Variants in TMEM245 observed in about 807,000 individuals in gnomAD.
TMEM245 encodes the protein protein CG-2.
In TMEM245, 69 loss-of-function variants were observed where a neutral mutation model predicts 101.2. The ratio of observed to expected loss-of-function variants is 0.68; its 90% CI spans 0.56 to 0.83. The LOEUF is 0.83. TMEM245 is among the 40% of genes least tolerant of loss of function. The pLI is 0.00. For missense variants in TMEM245, 1,075 were observed against 1,092.8 expected (o/e 0.98, Z 0.23); for synonymous variants, 537 against 449.8 (o/e 1.19, Z -2.45).
intron 4 of TMEM245, among the ~76,000 whole-genome samples, chr9:109,092,932 T>C (rs1830046784): frequency 6.7e-6 from 1 of 149,436 alleles, no homozygotes; most frequent in African/African-American, 2.5e-5. Context: ...GCATGCAAAC[T>C]TTCAGAGAAA....
At chr9:109,076,480 T>C (rs992234266) in intron 8 of TMEM245, among the ~76,000 whole-genome samples, 2 of 152,032 alleles carry the variant, frequency 1.3e-5, no homozygotes, top group African/African-American at 2.4e-5. Flanking sequence ...CGTATACATA[T>C]GTAACAAACC....
intron 10 of TMEM245, among the ~76,000 whole-genome samples, chr9:109,061,908 G>A (rs527979305): frequency 6.6e-6 from 1 of 151,802 alleles, no homozygotes; most frequent in African/African-American, 2.4e-5. Flanking sequence ...ACACTGCAAT[G>A]AACATCCTTT....
At chr9:109,094,195 AT>A (rs1400139904) in intron 3 of TMEM245, among the ~76,000 whole-genome samples, 72 of 152,214 alleles carry the variant, frequency 4.7e-4, no homozygotes, top group Non-Finnish European at 2.4e-4. Context: ...ACCAAGCTCA[AT>A]CATTTGCACT....
In TMEM245 at chr9:109,106,535, C is replaced by T; in HGVS notation, c.772G>A (p.Glu258Lys). 6.2e-7 allele frequency: 1 copy of T among 1,610,998 alleles called. No homozygotes were observed. Among genetic ancestry groups the T allele is most frequent in the South Asian group, 1.1e-5 (1 of 90,558 alleles). Residue 258 changes from glutamate (E) to lysine (K), a missense_variant, in exon 3 of 18, where the codon GAA (glutamate) becomes AAA (lysine). This residue lies in a region of TMEM245 where 808 missense variants were observed against 741.5 expected (regional missense o/e 1.09). Coordinates refer to ENST00000374586, the MANE Select transcript of TMEM245 (RefSeq NM_032012.4). ...GAAGACTCTTTTCCATTCTGTTTTT[C>T]ATAGAGGGTACCCACAGACATCAGG... is the stretch of plus-strand genomic sequence containing the variant. Reference protein sequence around the residue: ...VFLMSVGTLYEKQNGKESSGA... With the variant: ...VFLMSVGTLYKKQNGKESSGA...
intron 10 of TMEM245, among the ~76,000 whole-genome samples, chr9:109,064,101 A>G (rs1829094191): frequency 6.6e-6 from 1 of 152,240 alleles, no homozygotes; most frequent in South Asian, 2.1e-4. Flanking sequence ...AGAAAAAAAA[A>G]CAAATATTAA....
At chr9:109,107,960 T>C (rs760840055) in intron 2 of TMEM245, among the ~76,000 whole-genome samples, 11 of 152,214 alleles carry the variant, frequency 7.2e-5, no homozygotes, top group Non-Finnish European at 1.6e-4. Context: ...TACAGAGATC[T>C]GTTTAAAGCA....
At chr9:109,058,018 T>TTGA (rs1828895535) in intron 11 of TMEM245, among the ~76,000 whole-genome samples, 5 of 150,436 alleles carry the variant, frequency 3.3e-5, no homozygotes, top group Non-Finnish European at 7.4e-5. Flanking sequence ...TTTTTTTTTT[T>TTGA]GGGACGGGGT....
At chr9:109,080,970 C>T (rs1448918632) in intron 7 of TMEM245, 27 bp from the exon 8 acceptor site, 1 of 1,398,196 alleles carries the variant, frequency 7.2e-7, no homozygotes, top group Non-Finnish European at 1.0e-6. Flanking sequence ...AAGAGAATTA[C>T]TTATCTTTAA....
At chr9:109,043,423 T>C (rs1008027327) in intron 14 of TMEM245, among the ~76,000 whole-genome samples, 2 of 152,198 alleles carry the variant, frequency 1.3e-5, no homozygotes, top group Non-Finnish European at 2.9e-5. Flanking sequence ...GACAGAACAC[T>C]TACATCAAGT....
At chr9:109,059,456 A>G (rs1490437346) in intron 11 of TMEM245, among the ~76,000 whole-genome samples, 1 of 152,120 alleles carries the variant, frequency 6.6e-6, no homozygotes, top group Admixed American at 6.6e-5. Context: ...GCTAGCCCAC[A>G]GGCCCTGCCA....
At chr9:109,102,995 G>T (rs936771558) in intron 3 of TMEM245, among the ~76,000 whole-genome samples, 8 of 152,154 alleles carry the variant, frequency 5.3e-5, no homozygotes, top group African/African-American at 1.7e-4. Flanking sequence ...ACTCATTAGA[G>T]ACCTCTACCT....
At chr9:109,104,615 T>G (rs1830363511) in intron 3 of TMEM245, among the ~76,000 whole-genome samples, 1 of 152,172 alleles carries the variant, frequency 6.6e-6, no homozygotes, top group Non-Finnish European at 1.5e-5. Context: ...AAGAACAAAG[T>G]TGGAGAACTC....
chr9:109,038,529 G>A (rs1828208264), intron 14 of TMEM245: 1 of 158,214 alleles, frequency 6.3e-6, no homozygotes, highest in African/African-American at 2.4e-5. Flanking sequence ...AACCCAGGCT[G>A]TGGCCAGTCC....
Position 109,016,935 on chromosome 9 carries a change from A to AT in TMEM245, c.*3524dup, listed in dbSNP as rs1317196210. On this transcript the variant is annotated 3_prime_UTR_variant, in exon 18 of 18. Transcript: ENST00000374586. ...TATGAGAAGTCCTAAGGGTTTTTGT[A>AT]TTTTGTTTTTTTTTCCTATAAACCC... 4 of 139,652 alleles carry AT rather than the reference A, an allele frequency of 2.9e-5. No individual in the cohort carries two copies. Among genetic ancestry groups the AT allele is most frequent in the Non-Finnish European group, 6.5e-5 (4 of 61,416 alleles). The allele number at this position is 139,652 out of a possible 1,614,324, so 8.7% of individuals were successfully genotyped here.
intron 16 of TMEM245, among the ~76,000 whole-genome samples, chr9:109,034,767 A>C (rs1291950134): frequency 2.0e-5 from 3 of 152,226 alleles, no homozygotes; most frequent in Admixed American, 6.5e-5. Flanking sequence ...TTTAAAAAAA[A>C]TAAAAACGTG....
At chr9:109,042,303 G>C (rs1828335457) in intron 14 of TMEM245, 1 of 152,048 alleles carries the variant, frequency 6.6e-6, no homozygotes, top group Non-Finnish European at 1.5e-5. Context: ...TTATAATTCA[G>C]AAGTCCTAAA....
intron 17 of TMEM245, among the ~76,000 whole-genome samples, chr9:109,027,453 T>A (rs1827823321): frequency 6.6e-6 from 1 of 152,156 alleles, no homozygotes; most frequent in South Asian, 2.1e-4. Context: ...GATGTTTACA[T>A]CTTGAAGGCT....
chr9:109,079,182 C>G (rs547247523), intron 8 of TMEM245, among the ~76,000 whole-genome samples: 68 of 152,162 alleles, frequency 4.5e-4, no homozygotes, highest in Non-Finnish European at 9.0e-4. Context: ...TTTTCTAATG[C>G]TTTTAAATGG....
intron 14 of TMEM245, among the ~76,000 whole-genome samples, chr9:109,047,094 T>C (rs1434913195): frequency 6.6e-6 from 1 of 152,236 alleles, no homozygotes; most frequent in Admixed American, 6.5e-5. Flanking sequence ...TAACCCATTC[T>C]TTAGTCTGTA....
Sources: gnomAD v4.1 joint callset for allele counts (sites outside exome capture counted in the v4.1 genomes callset) on GRCh38, gnomAD v4.1.1 for gene constraint, gnomAD v4.1.1 regional missense constraint, MANE v1.5 for transcripts, NCBI Gene and HGNC (gene_info 2026-07-23, HGNC 2026-07-21) for gene names.